The following EYS variants were observed in gnomAD, a reference collection of about 807,000 sequenced individuals.
EYS encodes the protein protein eyes shut homolog.
A neutral mutation model predicts 282.1 loss-of-function variants in EYS; 250 were observed. The ratio of observed to expected loss-of-function variants is 0.89; its 90% CI spans 0.80 to 0.98. EYS has a LOEUF of 0.98. Among genes scored for constraint, EYS ranks in the 50% least tolerant of loss-of-function variants. EYS has a pLI of 0.00. For missense variants in EYS, 4,016 were observed against 3,709.0 expected (o/e 1.08, Z -2.15); for synonymous variants, 1,355 against 1,282.9 (o/e 1.06, Z -1.20).
In EYS at chr6:65,086,982, C is replaced by T. The variant is rs528173804; in HGVS notation, c.2024-29255G>A. Among the ~76,000 whole-genome samples, 222 of 152,084 alleles carry T rather than the reference C, an allele frequency of 1.5e-3. 2 individuals carry two copies. Among genetic ancestry groups the T allele is most frequent in the African/African-American group, 5.1e-3 (213 of 41,488 alleles). On this transcript the variant is annotated intron_variant, in intron 12 of 42. Coordinates refer to ENST00000503581, the MANE Select transcript of EYS (RefSeq NM_001142800.2). ...GGACTACAGGTGCGTCCCACAACAC[C>T]CAGCTAATTTTTGTATTTTTAGTAG...
chr6:65,331,342 T>C (rs1769789935), intron 11 of EYS: 4 of 703,506 alleles, frequency 5.7e-6, no homozygotes, highest in Non-Finnish European at 5.2e-6. Context: ...TAGTGGTATA[T>C]AGAGGGTCTT....
At chr6:65,545,860 T>A (rs1006812529) in intron 2 of EYS, among the ~76,000 whole-genome samples, 1 of 152,114 alleles carries the variant, frequency 6.6e-6, no homozygotes, top group Admixed American at 6.6e-5. Context: ...TATGCAAGAT[T>A]ATACAAGATT....
intron 29 of EYS, among the ~76,000 whole-genome samples, chr6:64,322,855 A>C (rs1582596598): frequency 1.3e-5 from 2 of 152,158 alleles, no homozygotes; most frequent in South Asian, 2.1e-4. Context: ...TGGACAATGG[A>C]ACCAGAAAAG....
At chr6:64,248,583 C>A (rs1767095596) in intron 30 of EYS, among the ~76,000 whole-genome samples, 2 of 152,056 alleles carry the variant, frequency 1.3e-5, no homozygotes, top group Non-Finnish European at 2.9e-5. Context: ...GTAGAAATAG[C>A]AGATGTTGGC....
chr6:63,967,837 CAGTT>C (rs1031741258), intron 35 of EYS, among the ~76,000 whole-genome samples: 54 of 152,152 alleles, frequency 3.5e-4, no homozygotes, highest in African/African-American at 1.3e-3. Flanking sequence ...CCCATACATG[CAGTT>C]CTATGTCAGC....
At chr6:64,220,158 G>A (rs1766054160) in intron 31 of EYS, among the ~76,000 whole-genome samples, 1 of 152,096 alleles carries the variant, frequency 6.6e-6, no homozygotes, top group Non-Finnish European at 1.5e-5. Context: ...TTGTGCACAT[G>A]TACCCTAAAA....
At chr6:63,835,103 A>G (rs959553403) in intron 36 of EYS, among the ~76,000 whole-genome samples, 2 of 150,814 alleles carry the variant, frequency 1.3e-5, no homozygotes, top group Non-Finnish European at 3.0e-5. Context: ...CCTAATGTAA[A>G]TGATGAGTTA....
At chr6:64,939,389 T>C (rs1562267210) in intron 15 of EYS, among the ~76,000 whole-genome samples, 1 of 151,902 alleles carries the variant, frequency 6.6e-6, no homozygotes, top group Non-Finnish European at 1.5e-5. Context: ...GAAACATTTA[T>C]ACATTTAAAT....
At chr6:64,417,795 C>G (rs1297629304) in intron 28 of EYS, among the ~76,000 whole-genome samples, 7 of 151,544 alleles carry the variant, frequency 4.6e-5, no homozygotes, top group Non-Finnish European at 1.0e-4. Context: ...CTCAGCCTCC[C>G]AAGTAGCTGG....
intron 19 of EYS, among the ~76,000 whole-genome samples, chr6:64,836,486 A>T (rs1325081383): frequency 6.6e-6 from 1 of 151,474 alleles, no homozygotes. Flanking sequence ...GCAGGGAAAT[A>T]TTTTTCTAGG....
At chr6:64,715,349 G>A (rs1771353341) in intron 22 of EYS, among the ~76,000 whole-genome samples, 1 of 152,088 alleles carries the variant, frequency 6.6e-6, no homozygotes, top group Non-Finnish European at 1.5e-5. Context: ...GCAGAAAACC[G>A]TGCTTCACAA....
chr6:64,313,185 T>C (rs1384801289), intron 29 of EYS, among the ~76,000 whole-genome samples: 1 of 152,100 alleles, frequency 6.6e-6, no homozygotes, highest in Non-Finnish European at 1.5e-5. Flanking sequence ...GAGAAGAACA[T>C]AAATGACCTG....
At chr6:64,495,615 G>C (rs193295778) in intron 26 of EYS, among the ~76,000 whole-genome samples, 10 of 151,920 alleles carry the variant, frequency 6.6e-5, no homozygotes, top group African/African-American at 2.4e-4. Context: ...GTAACTGATG[G>C]CTTTTGTTGT....
At chr6:64,411,543 GT>G in intron 28 of EYS, among the ~76,000 whole-genome samples, 1 of 152,178 alleles carries the variant, frequency 6.6e-6, no homozygotes, top group East Asian at 1.9e-4. Context: ...TCACAAAGCA[GT>G]TTAAATATAT....
intron 41 of EYS, among the ~76,000 whole-genome samples, chr6:63,756,170 C>A (rs1769478038): frequency 6.6e-6 from 1 of 151,994 alleles, no homozygotes; most frequent in Admixed American, 6.6e-5. Context: ...ATTATTTTAA[C>A]AGGAGTGGTG....
intron 12 of EYS, among the ~76,000 whole-genome samples, chr6:65,072,585 T>C (rs1478585656): frequency 2.0e-5 from 3 of 151,900 alleles, no homozygotes; most frequent in South Asian, 4.1e-4. Context: ...AATGAAAACA[T>C]TGTCAAAGTG....
At chr6:65,663,866 CTTTTTTT>C (rs66999581) in intron 1 of EYS, among the ~76,000 whole-genome samples, 8 of 75,886 alleles carry the variant, frequency 1.1e-4, no homozygotes, top group African/African-American at 2.9e-4. Flanking sequence ...TTTTTCTTTT[CTTTTTTT>C]TTTTTTTTTT....
intron 31 of EYS, among the ~76,000 whole-genome samples, chr6:64,146,022 C>A (rs190229289): frequency 6.6e-6 from 1 of 151,438 alleles, no homozygotes; most frequent in East Asian, 1.9e-4. Flanking sequence ...TAAAATATAC[C>A]ATTTTTTTTT....
At chr6:64,214,899 TAATA>T (rs2150329723) in intron 31 of EYS, among the ~76,000 whole-genome samples, 1 of 152,122 alleles carries the variant, frequency 6.6e-6, no homozygotes, top group East Asian at 1.9e-4. Context: ...GATATGTATG[TAATA>T]TATATGTAAA....
Sources: gnomAD v4.1 joint callset for allele counts (sites outside exome capture counted in the v4.1 genomes callset) on GRCh38, gnomAD v4.1.1 for gene constraint, MANE v1.5 for transcripts, NCBI Gene and HGNC (gene_info 2026-07-23, HGNC 2026-07-21) for gene names.